The following GUCA1A variants were observed in gnomAD, a reference collection of about 807,000 sequenced individuals.
GUCA1A encodes guanylate cyclase activator 1A.
In GUCA1A, 14 loss-of-function variants were observed where a neutral mutation model predicts 18.5. That is an observed-to-expected ratio of 0.76 (90% CI 0.50 to 1.18). The LOEUF (loss-of-function observed/expected upper bound fraction) is 1.18. Among genes scored for constraint, GUCA1A ranks in the 50% most tolerant of loss-of-function variants. The pLI is 0.00. For synonymous variants in GUCA1A, 97 were observed against 100.2 expected, an observed-to-expected ratio of 0.97 and a Z score of 0.19; for missense variants, 264 against 262.4, an observed-to-expected ratio of 1.01 and a Z score of -0.04.
At chr6:42,176,693 C>T (rs1452272608) in intron 1 of GUCA1A, among the ~76,000 whole-genome samples, 1 of 152,138 alleles carries the variant, frequency 6.6e-6, no homozygotes, top group East Asian at 1.9e-4. Flanking sequence ...CTCGGCCTCC[C>T]AAAGTGCTGG....
Position 42,179,467 on chromosome 6 carries a change from T to G in GUCA1A, c.*64T>G, listed in dbSNP as rs1338752743. 3.0e-6 allele frequency: 4 copies of G among 1,350,422 alleles called. No homozygotes were observed. The highest frequency in any genetic ancestry group is 2.9e-5 in the African/African-American group (2 of 68,554). The allele number at this position is 1,350,422 out of a possible 1,614,324, so 83.7% of individuals were successfully genotyped here. A position where few individuals can be genotyped will look rare whatever the true frequency, so the allele number is the denominator to read the frequency against. On this transcript the variant is annotated 3_prime_UTR_variant, in exon 4 of 4. Coordinates refer to ENST00000372958, the MANE Select transcript of GUCA1A (RefSeq NM_001384910.1). ...GGTATGGTGGTGCCTGTTGGTGGTG[T>G]TCTTGTCTTAACCCTAGATAGAATC...
chr6:42,178,739 A>G (rs987426111), intron 2 of GUCA1A, 63 bp from the exon 3 acceptor site: 48 of 1,315,112 alleles, frequency 3.6e-5, no homozygotes, highest in Admixed American at 2.2e-4. Flanking sequence ...ACCGTCCCCA[A>G]TCCTACCCCT....
chr6:42,173,479 C>T lies in GUCA1A; in HGVS notation c.-135C>T. The T allele has an allele frequency of 1.4e-6, 1 of 716,588 alleles. No homozygotes were observed. The highest frequency in any genetic ancestry group is 2.7e-5 in the East Asian group (1 of 37,462). The allele number at this position is 716,588 out of a possible 1,614,324, so 44.4% of individuals were successfully genotyped here. A position where few individuals can be genotyped will look rare whatever the true frequency, so the allele number is the denominator to read the frequency against. On this transcript the variant is annotated 5_prime_UTR_variant, in exon 1 of 4. Coordinates refer to ENST00000372958, the MANE Select transcript of GUCA1A (RefSeq NM_001384910.1). Reference sequence around the variant, plus strand: ...TCCCGGTACCATCTGATCCATCAGGCCCTTCTTTGCTCAGGCCTGAAGGAC... The same window carrying T: ...TCCCGGTACCATCTGATCCATCAGGTCCTTCTTTGCTCAGGCCTGAAGGAC...
chr6:42,178,468 G>A (rs1276787934), intron 2 of GUCA1A, 39 bp downstream of exon 2: 7 of 1,583,362 alleles, frequency 4.4e-6, no homozygotes, highest in Middle Eastern at 1.7e-4. Context: ...CAGCGGTCTG[G>A]GGTGGGACCC....
At chr6:42,174,286 A>G (rs1767893335) in intron 1 of GUCA1A, among the ~76,000 whole-genome samples, 1 of 152,228 alleles carries the variant, frequency 6.6e-6, no homozygotes, top group South Asian at 2.1e-4. Flanking sequence ...ATGTGGGCAG[A>G]GGGGCAGAGA....
At position 42,173,670 on chromosome 6, in the gene GUCA1A, C is replaced by G; in HGVS notation, c.57C>G (p.His19Gln). The G allele has an allele frequency of 6.2e-7, 1 of 1,614,098 alleles. No homozygotes were observed. The change falls in exon 1 of 4, where the codon CAC (histidine) becomes CAG (glutamine). Residue 19 changes from histidine to glutamine, a missense_variant. His to Gln is a conservative substitution (Grantham distance 24). Transcript: ENST00000372958. ...AGGAGCTGAGCAGCACCGAGTGCCACCAGTGGTACAAGAAGTTCATGACTG... is the reference window on the plus strand; with the variant it reads ...AGGAGCTGAGCAGCACCGAGTGCCAGCAGTGGTACAAGAAGTTCATGACTG... ...SVEELSSTEC[H>Q]QWYKKFMTEC...
chr6:42,178,513 A>G, intron 2 of GUCA1A, 84 bp downstream of exon 2: 1 of 1,268,400 alleles, frequency 7.9e-7, no homozygotes, highest in Non-Finnish European at 1.1e-6. Context: ...CAACAATCTC[A>G]GGATTGAGAC....
intron 3 of GUCA1A, 133 bp downstream of exon 3, chr6:42,179,028 T>C: frequency 1.1e-6 from 1 of 872,042 alleles, no homozygotes; most frequent in Non-Finnish European, 1.9e-6. Flanking sequence ...GGTCACTTCC[T>C]CCACCTGCCT....
Position 42,179,413 on chromosome 6 carries a change from C to A in GUCA1A, c.*10C>A, listed in dbSNP as rs367804008. On this transcript the variant is annotated 3_prime_UTR_variant, in exon 4 of 4. Coordinates refer to ENST00000372958, the MANE Select transcript of GUCA1A (RefSeq NM_001384910.1). Reference sequence around the variant, plus strand: ...TGAGGCAGCCGGCTGAGTGCACCGCCCGGCTGCTTCTGCACTAGCGGGTGG... The same window carrying A: ...TGAGGCAGCCGGCTGAGTGCACCGCACGGCTGCTTCTGCACTAGCGGGTGG... 488 of 1,573,256 alleles carry A rather than the reference C, an allele frequency of 3.1e-4. 2 individuals are homozygous for A. The Middle Eastern group carries it at 7.0e-3, about 23-fold the overall frequency.
At position 42,179,621 on chromosome 6, in the gene GUCA1A, C is replaced by A; in HGVS notation, c.*218C>A. The A allele has an allele frequency of 2.0e-6, 1 of 508,906 alleles. No homozygotes were observed. The highest frequency in any genetic ancestry group is 3.5e-6 in the Non-Finnish European group (1 of 288,282). The allele number at this position is 508,906 out of a possible 1,614,324, so 31.5% of individuals were successfully genotyped here. ...CCCTCTGAGTGACAGCTGGTGGCAG[C>A]ACTCCTTGCTGGGGGGCACTGTTCA... On this transcript the variant is annotated 3_prime_UTR_variant, in exon 4 of 4. Transcript: ENST00000372958.
chr6:42,178,983 G>T lies in GUCA1A; in HGVS notation c.445+88G>T, dbSNP rs1768039173. ...GTGGAAGGTCACTAAAGGAGAGGGT[G>T]AGGAAGGGAGGAGAGGCCCAAAGGC... On this transcript the variant is annotated intron_variant, in intron 3 of 3. Coordinates refer to ENST00000372958, the MANE Select transcript of GUCA1A (RefSeq NM_001384910.1). 3.8e-6 allele frequency: 4 copies of T among 1,064,650 alleles called. No individual in the cohort carries two copies. The East Asian group carries it at 9.5e-5, about 25-fold the overall frequency. 66.0% of individuals were successfully genotyped at this position (1,064,650 alleles called of 1,614,324 possible). A position where few individuals can be genotyped will look rare whatever the true frequency, so the allele number is the denominator to read the frequency against.
In GUCA1A at chr6:42,173,372, C is replaced by T. The variant is rs531277306; in HGVS notation, c.-242C>T. The stretch of plus-strand genomic sequence containing the variant: ...TGGGGCTGCAAGGATTTAGTGGAGA[C>T]TCTTAACACCAGTTCTCTGGCATCT... On this transcript the variant is annotated 5_prime_UTR_variant, in exon 1 of 4. Transcript: ENST00000372958. 2.9e-4 allele frequency: 171 copies of T among 588,012 alleles called. 2 individuals carry two copies. In the East Asian group the frequency reaches 4.0e-3, roughly 14 times the overall value. 36.4% of individuals were successfully genotyped at this position (588,012 alleles called of 1,614,324 possible). A position where few individuals can be genotyped will look rare whatever the true frequency, so the allele number is the denominator to read the frequency against.
chr6:42,175,925 T>A (rs2113835455), intron 1 of GUCA1A, among the ~76,000 whole-genome samples: 1 of 152,276 alleles, frequency 6.6e-6, no homozygotes, highest in East Asian at 1.9e-4. Context: ...GATCTTCTGG[T>A]TTAAACTCTG....
At chr6:42,176,587 C>A (rs908967056) in intron 1 of GUCA1A, among the ~76,000 whole-genome samples, 3 of 152,140 alleles carry the variant, frequency 2.0e-5, no homozygotes, top group African/African-American at 7.2e-5. Flanking sequence ...GTGCCCACCA[C>A]CACGCCTGGC....
Position 42,173,723 on chromosome 6 carries a change from A to G in GUCA1A, c.110A>G (p.Tyr37Cys), listed in dbSNP as rs753396732. ...TECPSGQLTL[Y>C]EFRQFFGLKN... ...TGCCCCTCTGGCCAACTCACCCTCT[A>G]TGAGTTCCGCCAGTTCTTCGGCCTC... Residue 37 changes from tyrosine to cysteine, a missense_variant, in exon 1 of 4, where the codon TAT (tyrosine) becomes TGT (cysteine). Tyr to Cys is a radical substitution (Grantham distance 194). Transcript: ENST00000372958. The G allele has an allele frequency of 1.2e-6, 2 of 1,613,764 alleles. No homozygotes were observed. The highest frequency in any genetic ancestry group is 1.7e-5 in the Admixed American group (1 of 60,026).
intron 1 of GUCA1A, among the ~76,000 whole-genome samples, chr6:42,174,064 T>G (rs1393420117): frequency 6.6e-6 from 1 of 152,194 alleles, no homozygotes; most frequent in East Asian, 1.9e-4. Flanking sequence ...TATCAGACAT[T>G]GTCCCTGCCC....
At chr6:42,176,047 C>T (rs1318266314) in intron 1 of GUCA1A, among the ~76,000 whole-genome samples, 1 of 152,170 alleles carries the variant, frequency 6.6e-6, no homozygotes, top group Non-Finnish European at 1.5e-5. Flanking sequence ...TTACGTTTAT[C>T]GCCTGTCTCC....
chr6:42,178,617 T>G, intron 2 of GUCA1A, 185 bp from the exon 3 acceptor site: 1 of 810,978 alleles, frequency 1.2e-6, no homozygotes, highest in Non-Finnish European at 2.2e-6. Context: ...CTCAGTTTCC[T>G]CATCAATACC....
At position 42,179,343 on chromosome 6, in the gene GUCA1A, G is replaced by T. The variant is rs1164849731; in HGVS notation, c.546G>T (p.Arg182Ser). 5.6e-6 allele frequency: 9 copies of T among 1,613,262 alleles called. No individual in the cohort carries two copies. In the Admixed American group the frequency reaches 1.2e-4, roughly 21 times the overall value. The part of the protein sequence containing the change: ...RSLDLTRIVR[R>S]LQNGEQDEEG... ...TGGACCTTACCCGCATCGTGCGCAGGCTCCAGAATGGCGAGCAAGACGAGG... is the reference window on the plus strand; with the variant it reads ...TGGACCTTACCCGCATCGTGCGCAGTCTCCAGAATGGCGAGCAAGACGAGG... Residue 182 changes from arginine (R) to serine (S), a missense_variant, in exon 4 of 4, where the codon AGG becomes AGT. Coordinates refer to ENST00000372958, the MANE Select transcript of GUCA1A (RefSeq NM_001384910.1).
Sources: allele counts gnomAD v4.1 joint callset (sites outside exome capture counted in the v4.1 genomes callset), GRCh38; gene constraint gnomAD v4.1.1; transcripts MANE v1.5; gene names NCBI Gene and HGNC (gene_info 2026-07-23, HGNC 2026-07-21).